TET2: variants seen among roughly 807,000 people sequenced by gnomAD.
TET2 encodes tet methylcytosine dioxygenase 2.
In TET2, 299 loss-of-function variants were observed where a neutral mutation model predicts 142.9. The observed-to-expected ratio is 2.09, with a 90% CI of 1.90 to 2.30. The LOEUF (loss-of-function observed/expected upper bound fraction) is 2.30. Ranked by LOEUF, TET2 falls within the 30% of genes most tolerant of loss-of-function variation. The pLI, the probability that TET2 is intolerant of heterozygous loss-of-function variation, is 0.00. For synonymous variants in TET2, 819 were observed against 849.0 expected (o/e 0.96, Z 0.61); for missense variants, 2,418 against 2,378.0 (o/e 1.02, Z -0.35).
intron 2 of TET2, among the ~76,000 whole-genome samples, chr4:105,209,100 T>TATATATATATATATATATATATA (rs1553949705): frequency 7.8e-6 from 1 of 128,230 alleles, no homozygotes; most frequent in Non-Finnish European, 1.7e-5. Context: ...TATATATATG[T>TATATATATATATATATATATATA]TTGAGCGAGG....
In TET2 at chr4:105,206,667, T is replaced by C. The variant is rs137879788; in HGVS notation, c.-47+16162T>C. On this transcript the variant is annotated intron_variant, in intron 2 of 10. Transcript: ENST00000380013. ...TTTTCTCTAGAAATTCTTTAAACTC[T>C]CTGCCTCTCAGCTGGCACTATTCCA... 2.0e-4 allele frequency among the ~76,000 whole-genome samples: 30 copies of C among 152,342 alleles called. No individual in the cohort carries two copies. In the East Asian group the frequency reaches 5.8e-3, roughly 29 times the overall value.
chr4:105,148,116 G>A (rs1191227883), intron 1 of TET2, among the ~76,000 whole-genome samples: 1 of 151,786 alleles, frequency 6.6e-6, no homozygotes. Context: ...TTTTCACTGG[G>A]ACTGCTTGTC....
At chr4:105,250,953 A>C (rs1317184386) in intron 6 of TET2, among the ~76,000 whole-genome samples, 4 of 151,936 alleles carry the variant, frequency 2.6e-5, no homozygotes, top group Non-Finnish European at 5.9e-5. Context: ...AAGTACTGGG[A>C]TTACAGGCAT....
chr4:105,185,463 A>G (rs1476783727), intron 1 of TET2, among the ~76,000 whole-genome samples: 1 of 152,188 alleles, frequency 6.6e-6, no homozygotes, highest in Non-Finnish European at 1.5e-5. Flanking sequence ...AAAATATTGC[A>G]GATAAAGTAG....
In TET2 at chr4:105,187,580, C is replaced by G. The variant is rs564571539; in HGVS notation, c.-192-2780C>G. Among the ~76,000 whole-genome samples the G allele has an allele frequency of 1.2e-4, 18 of 152,314 alleles. No individual in the cohort carries two copies. The South Asian group carries it at 1.7e-3, about 14-fold the overall frequency. ...TATTTATCTCATTAGTAGCATCATTCTTTCAGACAACCAAACTCAAAAGCT... is the reference window on the plus strand; with the variant it reads ...TATTTATCTCATTAGTAGCATCATTGTTTCAGACAACCAAACTCAAAAGCT... On this transcript the variant is annotated intron_variant, in intron 1 of 10. Coordinates refer to ENST00000380013, the MANE Select transcript of TET2 (RefSeq NM_001127208.3).
rs1313018211 is a variant in TET2, at chr4:105,241,345, TTA to T, written c.3418_3419del (p.Ile1140Ter). 1 of 1,545,264 alleles carries T rather than the reference TTA, an allele frequency of 6.5e-7. No individual in the cohort carries two copies. The highest frequency in any genetic ancestry group is 1.4e-5 in the African/African-American group (1 of 72,662). ...TCTTCTATTATCTCAACAGAGCAAA[TTA>T]TTGAAAAAGATGAAGGTCCTTTTTA... On this transcript the variant is annotated frameshift_variant, in exon 4 of 11. Coordinates refer to ENST00000380013, the MANE Select transcript of TET2 (RefSeq NM_001127208.3). LOFTEE classifies it high-confidence loss of function.
chr4:105,228,684 A>G (rs940703003), intron 2 of TET2, among the ~76,000 whole-genome samples: 1 of 152,118 alleles, frequency 6.6e-6, no homozygotes, highest in African/African-American at 2.4e-5. Flanking sequence ...TGCTCTGTAT[A>G]TGAATTGGTG....
At chr4:105,243,496 A>G in intron 5 of TET2, 74 bp from the exon 6 acceptor site, 1 of 1,340,418 alleles carries the variant, frequency 7.5e-7, no homozygotes, top group Non-Finnish European at 1.0e-6. Flanking sequence ...AAGTGCCCTT[A>G]TCTGCTGCAA....
intron 1 of TET2, among the ~76,000 whole-genome samples, chr4:105,160,702 T>A (rs1463649034): frequency 2.0e-5 from 3 of 152,352 alleles, no homozygotes; most frequent in South Asian, 4.1e-4. Flanking sequence ...ATGTATTTTT[T>A]AAAATAAAGG....
chr4:105,250,629 T>C (rs1051244732), intron 6 of TET2, among the ~76,000 whole-genome samples: 37 of 152,152 alleles, frequency 2.4e-4, no homozygotes, highest in African/African-American at 8.4e-4. Flanking sequence ...GAACACAGGC[T>C]ATTTTTCCAT....
intron 2 of TET2, among the ~76,000 whole-genome samples, chr4:105,199,174 C>T (rs926534394): frequency 6.6e-6 from 1 of 152,168 alleles, no homozygotes; most frequent in Admixed American, 6.5e-5. Flanking sequence ...TTATAACTTA[C>T]TGGTCCCTTA....
At chr4:105,267,970 A>C (rs1327788141) in intron 8 of TET2, among the ~76,000 whole-genome samples, 3 of 152,180 alleles carry the variant, frequency 2.0e-5, no homozygotes, top group African/African-American at 7.2e-5. Context: ...CCAAAAGCTA[A>C]TGCTATACTT....
chr4:105,181,216 GTGTT>G (rs1190638002), intron 1 of TET2, among the ~76,000 whole-genome samples: 1 of 152,116 alleles, frequency 6.6e-6, no homozygotes, highest in Non-Finnish European at 1.5e-5. Flanking sequence ...GTTATTGTGT[GTGTT>G]TGTCTTTGTG....
rs74562477 is a variant in TET2 at position 105,270,922 on chromosome 4, G to C, written c.4182+1175G>C. On this transcript the variant is annotated intron_variant, in intron 9 of 10. Transcript: ENST00000380013. ...CTAGGGCAGAAAAGCATTCATGGAG[G>C]TATTAGATGATAGCTGAAGTAATTT... is the stretch of plus-strand genomic sequence containing the variant. 5.5e-3 allele frequency among the ~76,000 whole-genome samples: 836 copies of C among 152,244 alleles called. 11 individuals are homozygous for C. The highest frequency in any genetic ancestry group is 0.019 in the African/African-American group (809 of 41,542).
chr4:105,276,301 G>A lies in TET2; in HGVS notation c.5791G>A (p.Glu1931Lys), dbSNP rs1470358274. The A allele has an allele frequency of 6.4e-7, 1 of 1,551,586 alleles. No individual in the cohort carries two copies. The highest frequency in any genetic ancestry group is 8.7e-7 in the Non-Finnish European group (1 of 1,146,990). Reference protein sequence around the residue: ...MAEKAREKEEECEKYGPDYVP... With the variant: ...MAEKAREKEEKCEKYGPDYVP... ...TGAAAAAGCCCGTGAGAAAGAGGAA[G>A]AGTGTGAAAAGTATGGCCCAGACTA... Residue 1931 changes from glutamate (E) to lysine (K), a missense_variant, in exon 11 of 11, where the codon GAG (glutamate) becomes AAG (lysine). Physicochemically the swap from Glu to Lys is moderately conservative, Grantham distance 56. Transcript: ENST00000380013.
intron 2 of TET2, among the ~76,000 whole-genome samples, chr4:105,195,575 C>T (rs1392148951): frequency 6.6e-6 from 1 of 152,068 alleles, no homozygotes; most frequent in East Asian, 1.9e-4. Flanking sequence ...ATATACCCTC[C>T]CATATACTTC....
intron 1 of TET2, among the ~76,000 whole-genome samples, chr4:105,156,794 T>TG (rs1225782781): frequency 6.6e-6 from 1 of 152,192 alleles, no homozygotes; most frequent in Non-Finnish European, 1.5e-5. Context: ...GCCTCTGAAG[T>TG]AGAGCACCAG....
intron 3 of TET2, 101 bp downstream of exon 3, chr4:105,237,452 G>T: frequency 6.2e-7 from 1 of 1,612,782 alleles, no homozygotes; most frequent in South Asian, 1.1e-5. Context: ...TCTTGAGTCT[G>T]GCAGCAATTT....
At chr4:105,178,551 T>C (rs563509955) in intron 1 of TET2, among the ~76,000 whole-genome samples, 1 of 152,296 alleles carries the variant, frequency 6.6e-6, no homozygotes, top group South Asian at 2.1e-4. Context: ...TAGTGAACCC[T>C]AATGTAAACT....
Sources: gnomAD v4.1 joint callset for allele counts (sites outside exome capture counted in the v4.1 genomes callset) on GRCh38, gnomAD v4.1.1 for gene constraint, MANE v1.5 for transcripts, NCBI Gene and HGNC (gene_info 2026-07-23, HGNC 2026-07-21) for gene names.